The following OXCT1 variants were observed in gnomAD, a reference collection of about 807,000 sequenced individuals.
OXCT1 encodes 3-oxoacid CoA-transferase 1, also known as succinyl-CoA:3-ketoacid coenzyme A transferase 1, mitochondrial.
A neutral mutation model predicts 69.6 loss-of-function variants in OXCT1; 27 were observed. The observed-to-expected ratio is 0.39, with a 90% CI of 0.29 to 0.54. OXCT1 has a LOEUF of 0.54. Among genes scored for constraint, OXCT1 ranks in the 20% least tolerant of loss-of-function variants. OXCT1 has a pLI of 0.72. For missense variants in OXCT1, 437 were observed against 650.2 expected (o/e 0.67, Z 3.57); for synonymous variants, 202 against 217.8 (o/e 0.93, Z 0.64).
intron 7 of OXCT1, among the ~76,000 whole-genome samples, chr5:41,839,422 T>TGGATGGA (rs1748524708): frequency 6.6e-6 from 1 of 152,156 alleles, no homozygotes; most frequent in African/African-American, 2.4e-5. Context: ...CACGGACAGG[T>TGGATGGA]CATTAAGATG....
intron 7 of OXCT1, among the ~76,000 whole-genome samples, chr5:41,821,122 C>T (rs1401015319): frequency 6.6e-6 from 1 of 152,158 alleles, no homozygotes. Context: ...CTGAAAGTAG[C>T]AATTTGTAGT....
chr5:41,749,375 T>C, intron 15 of OXCT1, 152 bp downstream of exon 15: 1 of 598,996 alleles, frequency 1.7e-6, no homozygotes, highest in Non-Finnish European at 3.0e-6. Flanking sequence ...ATTCTACATT[T>C]AGAAACATTA....
intron 3 of OXCT1, among the ~76,000 whole-genome samples, chr5:41,855,985 T>A (rs897047624): frequency 6.6e-6 from 1 of 152,116 alleles, no homozygotes; most frequent in Non-Finnish European, 1.5e-5. Context: ...GGAAACTACA[T>A]GTTCAGTGTT....
In OXCT1 at chr5:41,862,689, A is replaced by G. The variant is rs1463941059; in HGVS notation, c.140T>C (p.Val47Ala). 3 of 1,613,160 alleles carry G rather than the reference A, an allele frequency of 1.9e-6. No homozygotes were observed. The highest frequency in any genetic ancestry group is 2.2e-5 in the South Asian group (2 of 91,062). Residue 47 changes from valine (V) to alanine (A), a missense_variant, in exon 2 of 17, where the codon GTA becomes GCA. This residue lies in a region of OXCT1 where 79 missense variants were observed against 61.5 expected (regional missense o/e 1.28). Transcript: ENST00000196371. The part of the protein sequence containing the change: ...HRHTKFYTDP[V>A]EAVKDIPDGA... ...ATCAGGGATGTCTTTTACAGCTTCT[A>G]CTGGATCTGTATAAAACTTGGTATG...
intron 1 of OXCT1, among the ~76,000 whole-genome samples, chr5:41,865,684 T>A (rs1031049968): frequency 3.3e-5 from 5 of 152,196 alleles, no homozygotes; most frequent in African/African-American, 1.2e-4. Flanking sequence ...CACAGTTGTA[T>A]GAATCTAGGA....
rs1338120209 is a variant in OXCT1 at position 41,730,803 on chromosome 5, G to GA, written c.*925dup. The GA allele has an allele frequency of 6.6e-6, 1 of 152,192 alleles. No individual in the cohort carries two copies. The highest frequency in any genetic ancestry group is 2.4e-5 in the African/African-American group (1 of 41,464). The allele number at this position is 152,192 out of a possible 1,614,324, so 9.4% of individuals were successfully genotyped here. A position where few individuals can be genotyped will look rare whatever the true frequency, so the allele number is the denominator to read the frequency against. On this transcript the variant is annotated 3_prime_UTR_variant, in exon 17 of 17. Transcript: ENST00000196371. ...GTTAAAGGAAGTAGCCTTGGCAGAA[G>GA]AAAAACCGTTGTTCTGTAGAAGTGT...
intron 11 of OXCT1, among the ~76,000 whole-genome samples, chr5:41,799,663 A>C (rs540152450): frequency 3.4e-4 from 52 of 152,340 alleles, no homozygotes; most frequent in African/African-American, 1.3e-3. Flanking sequence ...TAACATCATA[A>C]ATTAATTAAA....
At position 41,840,819 on chromosome 5, in the gene OXCT1, A is replaced by G. The variant is rs936176064; in HGVS notation, c.672-308T>C. Among the ~76,000 whole-genome samples, 3 of 152,222 alleles carry G rather than the reference A, an allele frequency of 2.0e-5. No individual in the cohort carries two copies. In the East Asian group the frequency reaches 5.8e-4, roughly 29 times the overall value. On this transcript the variant is annotated intron_variant, in intron 6 of 16. Coordinates refer to ENST00000196371, the MANE Select transcript of OXCT1 (RefSeq NM_000436.4). ...ATATTAATAAATCTATCTTATTTGAAGTTAATTTCCCTTAATCTTTTAACA... is the reference window on the plus strand; with the variant it reads ...ATATTAATAAATCTATCTTATTTGAGGTTAATTTCCCTTAATCTTTTAACA...
Position 41,753,203 on chromosome 5 carries a change from G to A in OXCT1, c.1339-3596C>T, listed in dbSNP as rs77993401. Among the ~76,000 whole-genome samples the A allele has an allele frequency of 3.3e-5, 5 of 151,962 alleles. No homozygotes were observed. The East Asian group carries it at 9.7e-4, about 30-fold the overall frequency. On this transcript the variant is annotated intron_variant, in intron 14 of 16. Coordinates refer to ENST00000196371, the MANE Select transcript of OXCT1 (RefSeq NM_000436.4). ...ACATTCACCTGAAATCTTTAAGACT[G>A]TGCTTTATACAAAACCTCATTTCAT... is the stretch of plus-strand genomic sequence containing the variant.
intron 13 of OXCT1, among the ~76,000 whole-genome samples, chr5:41,786,164 C>T (rs1027348): frequency 0.13 from 19,833 of 152,088 alleles, 2,541 homozygotes; most frequent in African/African-American, 0.33. Context: ...GGGGAAGCAT[C>T]CAGCCATCAC....
At chr5:41,807,649 T>C (rs1054909101) in intron 7 of OXCT1, among the ~76,000 whole-genome samples, 1 of 152,034 alleles carries the variant, frequency 6.6e-6, no homozygotes, top group Non-Finnish European at 1.5e-5. Flanking sequence ...AGTGTATGCG[T>C]CTGAACAGAA....
chr5:41,840,024 A>G (rs1013915748), intron 7 of OXCT1, among the ~76,000 whole-genome samples: 6 of 152,228 alleles, frequency 3.9e-5, no homozygotes, highest in African/African-American at 1.4e-4. Flanking sequence ...CTCTGAATTG[A>G]ACCACATCAA....
intron 13 of OXCT1, among the ~76,000 whole-genome samples, chr5:41,790,374 A>G (rs543893713): frequency 2.4e-4 from 36 of 152,338 alleles, no homozygotes; most frequent in African/African-American, 6.3e-4. Context: ...GGGTTTTACC[A>G]TCATCACAAT....
At chr5:41,851,856 A>G (rs1749190065) in intron 4 of OXCT1, among the ~76,000 whole-genome samples, 1 of 152,242 alleles carries the variant, frequency 6.6e-6, no homozygotes, top group Admixed American at 6.5e-5. Flanking sequence ...CTACCATGTG[A>G]AAAATACTGC....
At chr5:41,835,546 CAATA>C (rs1172898445) in intron 7 of OXCT1, among the ~76,000 whole-genome samples, 12 of 152,174 alleles carry the variant, frequency 7.9e-5, no homozygotes, top group Non-Finnish European at 1.8e-4. Flanking sequence ...ACACAGGCTA[CAATA>C]AATATTTGTG....
At chr5:41,817,518 C>T (rs568946910) in intron 7 of OXCT1, among the ~76,000 whole-genome samples, 1 of 152,290 alleles carries the variant, frequency 6.6e-6, no homozygotes, top group Admixed American at 6.5e-5. Context: ...ATATTGAACA[C>T]TCTAGATTAA....
intron 7 of OXCT1, among the ~76,000 whole-genome samples, chr5:41,835,437 A>T (rs1204732645): frequency 6.6e-6 from 1 of 152,238 alleles, no homozygotes; most frequent in Non-Finnish European, 1.5e-5. Flanking sequence ...AAGTCTTAGA[A>T]TATCACTTTT....
At chr5:41,849,331 G>A (rs558296151) in intron 5 of OXCT1, among the ~76,000 whole-genome samples, 6 of 152,142 alleles carry the variant, frequency 3.9e-5, no homozygotes, top group Admixed American at 1.3e-4. Flanking sequence ...AACTTTCTTC[G>A]GCCATTTGGA....
At chr5:41,788,748 C>T (rs1039321940) in intron 13 of OXCT1, among the ~76,000 whole-genome samples, 3 of 152,170 alleles carry the variant, frequency 2.0e-5, no homozygotes, top group African/African-American at 4.8e-5. Context: ...TGACAAGACA[C>T]AGAACACTTG....
Sources: allele counts gnomAD v4.1 joint callset (sites outside exome capture counted in the v4.1 genomes callset), GRCh38; gene constraint gnomAD v4.1.1; regional missense constraint gnomAD v4.1.1; transcripts MANE v1.5; gene names NCBI Gene and HGNC (gene_info 2026-07-23, HGNC 2026-07-21).